GRID1: variants seen among roughly 807,000 people sequenced by gnomAD.
The protein encoded by GRID1 is glutamate receptor ionotropic, delta-1.
In GRID1, 28 loss-of-function variants were observed where a neutral mutation model predicts 98.0. The ratio of observed to expected loss-of-function variants is 0.29; its 90% CI spans 0.21 to 0.39. GRID1 has a LOEUF of 0.39. Among genes scored for constraint, GRID1 ranks in the 10% least tolerant of loss-of-function variants. GRID1 has a pLI of 1.00. For synonymous variants in GRID1, 553 were observed against 538.5 expected (o/e 1.03, Z -0.37); for missense variants, 1,111 against 1,340.5 (o/e 0.83, Z 2.67).
intron 4 of GRID1, among the ~76,000 whole-genome samples, chr10:86,041,776 A>G (rs571530961): frequency 1.3e-5 from 2 of 152,328 alleles, no homozygotes; most frequent in South Asian, 4.1e-4. Flanking sequence ...GTAAACCCCA[A>G]GATTATCAGC....
chr10:85,987,892 T>G (rs1842632017), intron 4 of GRID1, among the ~76,000 whole-genome samples: 5 of 152,164 alleles, frequency 3.3e-5, no homozygotes, highest in Admixed American at 3.3e-4. Context: ...GACTCTTCAG[T>G]GTGACTGAGC....
chr10:85,917,376 G>A (rs1051617671), intron 4 of GRID1, among the ~76,000 whole-genome samples: 2 of 151,900 alleles, frequency 1.3e-5, no homozygotes, highest in African/African-American at 4.8e-5. Flanking sequence ...CTGACATAGT[G>A]AAAATTCCCC....
intron 8 of GRID1, among the ~76,000 whole-genome samples, chr10:85,823,280 C>A (rs1176135101): frequency 1.3e-5 from 2 of 152,006 alleles, no homozygotes; most frequent in African/African-American, 4.8e-5. Context: ...GAAATATACA[C>A]TTGAAATGGG....
chr10:86,118,144 A>C (rs1439535123), intron 4 of GRID1, among the ~76,000 whole-genome samples: 2 of 152,168 alleles, frequency 1.3e-5, no homozygotes, highest in African/African-American at 4.8e-5. Flanking sequence ...ATGGAATACT[A>C]CTCAGCCATA....
At chr10:86,111,702 T>C (rs1844487189) in intron 4 of GRID1, among the ~76,000 whole-genome samples, 1 of 152,206 alleles carries the variant, frequency 6.6e-6, no homozygotes, top group Admixed American at 6.5e-5. Context: ...TGAAAGAGGA[T>C]GAGGATCTGG....
chr10:85,828,910 A>G (rs979899649), intron 8 of GRID1, among the ~76,000 whole-genome samples: 7 of 152,186 alleles, frequency 4.6e-5, no homozygotes, highest in African/African-American at 1.7e-4. Flanking sequence ...TGCTACTGAA[A>G]CTATTCCAAA....
At chr10:85,741,357 G>A (rs930130412) in intron 8 of GRID1, among the ~76,000 whole-genome samples, 1 of 152,082 alleles carries the variant, frequency 6.6e-6, no homozygotes, top group African/African-American at 2.4e-5. Flanking sequence ...TAAAGTATTT[G>A]AATAATAAAT....
intron 8 of GRID1, among the ~76,000 whole-genome samples, chr10:85,806,550 A>G (rs1274453887): frequency 2.0e-5 from 3 of 150,434 alleles, no homozygotes; most frequent in Non-Finnish European, 3.0e-5. Context: ...CCAAGTTTGG[A>G]AAAAAAAACA....
chr10:86,123,571 C>T (rs965368332), intron 4 of GRID1, among the ~76,000 whole-genome samples: 3 of 152,330 alleles, frequency 2.0e-5, no homozygotes, highest in East Asian at 1.9e-4. Flanking sequence ...CCTGGGGAGG[C>T]GAGGCCCTGC....
chr10:85,687,329 A>C (rs1361975508), intron 12 of GRID1, among the ~76,000 whole-genome samples: 1 of 152,230 alleles, frequency 6.6e-6, no homozygotes, highest in African/African-American at 2.4e-5. Flanking sequence ...CTATCCATCC[A>C]AAAATAGGCA....
intron 4 of GRID1, among the ~76,000 whole-genome samples, chr10:86,132,538 C>A (rs1844853595): frequency 6.6e-6 from 1 of 152,090 alleles, no homozygotes; most frequent in Non-Finnish European, 1.5e-5. Context: ...AAATTAATCT[C>A]CTATAATTAA....
chr10:86,121,962 T>C (rs965961747), intron 4 of GRID1, among the ~76,000 whole-genome samples: 6 of 152,148 alleles, frequency 3.9e-5, no homozygotes, highest in African/African-American at 1.4e-4. Flanking sequence ...TTAGAAACGT[T>C]CCACTGGATA....
At chr10:85,991,113 G>C (rs1842673978) in intron 4 of GRID1, among the ~76,000 whole-genome samples, 1 of 152,186 alleles carries the variant, frequency 6.6e-6, no homozygotes, top group African/African-American at 2.4e-5. Context: ...CAAGAGTAGA[G>C]AGATGCCCAG....
intron 4 of GRID1, among the ~76,000 whole-genome samples, chr10:86,130,564 GAGAC>G (rs1009935787): frequency 7.2e-5 from 11 of 152,176 alleles, no homozygotes; most frequent in African/African-American, 2.7e-4. Flanking sequence ...AGTTCGGTTG[GAGAC>G]AGTCAGAGAG....
chr10:85,672,257 C>T (rs1489448205), intron 12 of GRID1, among the ~76,000 whole-genome samples: 1 of 152,182 alleles, frequency 6.6e-6, no homozygotes, highest in African/African-American at 2.4e-5. Context: ...AACTAATGCT[C>T]AGCAACCATT....
intron 4 of GRID1, among the ~76,000 whole-genome samples, chr10:85,967,354 A>G (rs1018975680): frequency 3.3e-5 from 5 of 152,302 alleles, no homozygotes; most frequent in Middle Eastern, 3.4e-3. Flanking sequence ...GAAAGAAAGA[A>G]AGAAAGAGAG....
intron 12 of GRID1, among the ~76,000 whole-genome samples, chr10:85,712,901 A>G (rs1001590652): frequency 6.6e-6 from 1 of 151,822 alleles, no homozygotes; most frequent in Non-Finnish European, 1.5e-5. Context: ...CATACCAAAA[A>G]TAATAGGATG....
intron 4 of GRID1, among the ~76,000 whole-genome samples, chr10:86,006,367 T>G (rs899719265): frequency 6.6e-6 from 1 of 152,214 alleles, no homozygotes; most frequent in Admixed American, 6.5e-5. Flanking sequence ...ATGCCTATAA[T>G]CCCAGCACTT....
At chr10:85,922,387 T>A (rs1841717855) in intron 4 of GRID1, among the ~76,000 whole-genome samples, 1 of 152,190 alleles carries the variant, frequency 6.6e-6, no homozygotes, top group East Asian at 1.9e-4. Flanking sequence ...TCCAAACACA[T>A]CCCTGAGGAT....
Sources: gnomAD v4.1 joint callset for allele counts (sites outside exome capture counted in the v4.1 genomes callset) on GRCh38, gnomAD v4.1.1 for gene constraint, MANE v1.5 for transcripts, NCBI Gene and HGNC (gene_info 2026-07-23, HGNC 2026-07-21) for gene names.